The following SIK3 variants were observed in gnomAD, a reference collection of about 807,000 sequenced individuals.
SIK3 encodes SIK family kinase 3.
SIK3 carries 28 observed loss-of-function variants against 144.2 expected under a neutral mutation model. That is an observed-to-expected ratio of 0.19 (90% CI 0.14 to 0.27). The LOEUF (loss-of-function observed/expected upper bound fraction) is 0.27, where lower values mean the gene tolerates loss of function less well. Among genes scored for constraint, SIK3 ranks in the 10% least tolerant of loss-of-function variants. The pLI, the probability that SIK3 is intolerant of heterozygous loss-of-function variation, is 1.00. For missense variants in SIK3, 1,319 were observed against 1,776.0 expected (o/e 0.74, Z 4.62); for synonymous variants, 686 against 676.3 (o/e 1.01, Z -0.22).
intron 1 of SIK3, chr11:117,035,905 A>G: frequency 1.3e-6 from 2 of 1,596,320 alleles, no homozygotes; most frequent in South Asian, 1.1e-5. Context: ...CCGTTTGTGC[A>G]TGGCTAAAGA....
chr11:116,891,630 A>G (rs1252757954), intron 6 of SIK3, among the ~76,000 whole-genome samples: 5 of 152,162 alleles, frequency 3.3e-5, no homozygotes, highest in African/African-American at 1.2e-4. Context: ...TTCAGGCTAG[A>G]AAATGATATA....
chr11:117,053,924 G>C (rs955242077), intron 1 of SIK3, among the ~76,000 whole-genome samples: 1 of 152,042 alleles, frequency 6.6e-6, no homozygotes, highest in East Asian at 1.9e-4. Context: ...TGGGATTACA[G>C]ATGTGAGCCA....
intron 6 of SIK3, among the ~76,000 whole-genome samples, chr11:116,890,959 A>AT (rs1018736727): frequency 2.4e-4 from 37 of 152,304 alleles, no homozygotes; most frequent in African/African-American, 8.2e-4. Context: ...CGAAATCAGC[A>AT]TTTTTTAAAA....
intron 1 of SIK3, among the ~76,000 whole-genome samples, chr11:117,017,944 G>A (rs909532541): frequency 2.6e-5 from 4 of 152,132 alleles, no homozygotes; most frequent in East Asian, 3.9e-4. Flanking sequence ...TAAATAAATC[G>A]AGCATGAGAG....
intron 1 of SIK3, among the ~76,000 whole-genome samples, chr11:117,070,506 G>A (rs150211059): frequency 0.018 from 2,682 of 151,976 alleles, 56 homozygotes; most frequent in Non-Finnish European, 0.027. Flanking sequence ...GAGTGCAATG[G>A]CACGATCTCG....
intron 2 of SIK3, 117 bp from the exon 3 acceptor site, chr11:116,954,224 G>A: frequency 1.4e-6 from 1 of 722,274 alleles, no homozygotes; most frequent in Non-Finnish European, 2.3e-6. Context: ...ATAGATTAAA[G>A]AAAATTTAAA....
chr11:116,959,101 G>T (rs1006090068), intron 1 of SIK3, among the ~76,000 whole-genome samples: 1 of 152,156 alleles, frequency 6.6e-6, no homozygotes, highest in Non-Finnish European at 1.5e-5. Context: ...AGGCCAAGGA[G>T]GGCAGACTGA....
At chr11:116,882,199 G>A (rs186037193) in intron 6 of SIK3, among the ~76,000 whole-genome samples, 8 of 152,278 alleles carry the variant, frequency 5.3e-5, no homozygotes, top group Admixed American at 3.9e-4. Context: ...AAGGGGAGAC[G>A]GCAAGTTGGA....
At chr11:116,910,989 G>A (rs1171263013) in intron 4 of SIK3, among the ~76,000 whole-genome samples, 1 of 152,168 alleles carries the variant, frequency 6.6e-6, no homozygotes, top group East Asian at 1.9e-4. Context: ...ACAATATGGT[G>A]CCTGGTGAAG....
intron 3 of SIK3, among the ~76,000 whole-genome samples, chr11:116,930,326 C>A (rs1365337945): frequency 6.6e-6 from 1 of 152,136 alleles, no homozygotes; most frequent in Non-Finnish European, 1.5e-5. Context: ...AGGAAGCCAG[C>A]AGCCTGCAGT....
chr11:117,050,733 T>C (rs1953200693), intron 1 of SIK3, among the ~76,000 whole-genome samples: 1 of 151,972 alleles, frequency 6.6e-6, no homozygotes, highest in South Asian at 2.1e-4. Context: ...AATAAATAAA[T>C]AGTTTTTTTT....
At chr11:116,859,651 C>A (rs986096530) in intron 19 of SIK3, 47 bp from the exon 20 acceptor site, 32 of 1,541,024 alleles carry the variant, frequency 2.1e-5, no homozygotes, top group Non-Finnish European at 2.8e-5. Flanking sequence ...AGGCCACCAG[C>A]CAGCCAGAAG....
chr11:116,919,353 G>A (rs1432364528), intron 4 of SIK3, among the ~76,000 whole-genome samples: 1 of 152,142 alleles, frequency 6.6e-6, no homozygotes, highest in African/African-American at 2.4e-5. Flanking sequence ...AATTTTCCAT[G>A]GTACCTTAAA....
chr11:117,033,942 C>T (rs1952381296), intron 1 of SIK3, among the ~76,000 whole-genome samples: 2 of 151,998 alleles, frequency 1.3e-5, no homozygotes, highest in African/African-American at 2.4e-5. Flanking sequence ...AATGTAATAG[C>T]CATTTGTCAC....
intron 1 of SIK3, among the ~76,000 whole-genome samples, chr11:117,033,117 A>G (rs868651703): frequency 2.0e-5 from 3 of 152,158 alleles, no homozygotes; most frequent in Admixed American, 1.3e-4. Context: ...ATCCTATATT[A>G]GGAATACTAT....
chr11:116,889,715 A>G (rs1306965326), intron 6 of SIK3, among the ~76,000 whole-genome samples: 1 of 152,136 alleles, frequency 6.6e-6, no homozygotes, highest in Non-Finnish European at 1.5e-5. Context: ...GGGCAACATA[A>G]TAAGATCCCA....
At chr11:117,049,016 G>C (rs935723114) in intron 1 of SIK3, among the ~76,000 whole-genome samples, 13 of 152,138 alleles carry the variant, frequency 8.5e-5, no homozygotes, top group African/African-American at 2.7e-4. Flanking sequence ...CAGGAGAATT[G>C]CTTGAACCTG....
At chr11:117,078,645 C>T (rs537088502) in intron 1 of SIK3, among the ~76,000 whole-genome samples, 48 of 152,200 alleles carry the variant, frequency 3.2e-4, no homozygotes, top group East Asian at 7.7e-4. Context: ...TCAGGCAATC[C>T]GCCCGCCTTG....
intron 1 of SIK3, among the ~76,000 whole-genome samples, chr11:117,076,462 G>C (rs1356509257): frequency 6.6e-6 from 1 of 151,906 alleles, no homozygotes; most frequent in African/African-American, 2.4e-5. Context: ...CAGAACAACT[G>C]TTATTTACCA....
Sources: allele counts gnomAD v4.1 joint callset (sites outside exome capture counted in the v4.1 genomes callset), GRCh38; gene constraint gnomAD v4.1.1; transcripts MANE v1.5; gene names NCBI Gene and HGNC (gene_info 2026-07-23, HGNC 2026-07-21).